Variants in TTLL11 observed in about 807,000 individuals in gnomAD.
The protein encoded by TTLL11 is tubulin polyglutamylase TTLL11.
A neutral mutation model predicts 51.7 loss-of-function variants in TTLL11; 42 were observed. The ratio of observed to expected loss-of-function variants is 0.81; its 90% CI spans 0.64 to 1.05. The LOEUF (loss-of-function observed/expected upper bound fraction) is 1.05. TTLL11 is among the 50% of genes least tolerant of loss of function. The pLI, the probability that TTLL11 is intolerant of heterozygous loss-of-function variation, is 0.00. For synonymous variants in TTLL11, 381 were observed against 383.5 expected (o/e 0.99, Z 0.08); for missense variants, 799 against 940.4 (o/e 0.85, Z 1.97).
At chr9:122,039,904 A>G (rs1224902511) in intron 1 of TTLL11, among the ~76,000 whole-genome samples, 1 of 151,892 alleles carries the variant, frequency 6.6e-6, no homozygotes, top group Non-Finnish European at 1.5e-5. Context: ...ACACACACAC[A>G]TACACACACA....
chr9:121,915,367 C>A (rs1840285369), intron 6 of TTLL11, among the ~76,000 whole-genome samples: 1 of 152,198 alleles, frequency 6.6e-6, no homozygotes, highest in Non-Finnish European at 1.5e-5. Flanking sequence ...TAGTGCTGTG[C>A]TTGTATACAG....
At chr9:122,091,958 A>G (rs1346128476) in intron 1 of TTLL11, among the ~76,000 whole-genome samples, 1 of 152,218 alleles carries the variant, frequency 6.6e-6, no homozygotes. Flanking sequence ...AGCCTGGAAT[A>G]TAAAATACAG....
chr9:121,836,324 G>A (rs111552932), intron 8 of TTLL11, among the ~76,000 whole-genome samples: 1 of 152,080 alleles, frequency 6.6e-6, no homozygotes, highest in Non-Finnish European at 1.5e-5. Flanking sequence ...TGGTCCTGTC[G>A]CTGTGGCTTT....
At chr9:121,940,786 G>C (rs577490042) in intron 6 of TTLL11, among the ~76,000 whole-genome samples, 1 of 152,268 alleles carries the variant, frequency 6.6e-6, no homozygotes, top group South Asian at 2.1e-4. Flanking sequence ...TAGGACATTT[G>C]CTGATCTCCT....
intron 6 of TTLL11, among the ~76,000 whole-genome samples, chr9:121,880,909 C>T (rs900832959): frequency 2.6e-5 from 4 of 152,210 alleles, no homozygotes. Context: ...GGTCTGTCTC[C>T]ACAGCCCACG....
intron 1 of TTLL11, among the ~76,000 whole-genome samples, chr9:122,088,335 T>C (rs755293868): frequency 4.6e-5 from 7 of 152,232 alleles, no homozygotes; most frequent in Non-Finnish European, 7.3e-5. Context: ...TTTGTTTGCA[T>C]GTATTCCTCC....
intron 6 of TTLL11, among the ~76,000 whole-genome samples, chr9:121,970,794 T>C (rs2131645366): frequency 6.6e-6 from 1 of 152,346 alleles, no homozygotes; most frequent in Non-Finnish European, 1.5e-5. Context: ...AGTGTGGCGA[T>C]TCCTCAAGGA....
chr9:121,917,189 T>C (rs1840355096), intron 6 of TTLL11, among the ~76,000 whole-genome samples: 1 of 152,120 alleles, frequency 6.6e-6, no homozygotes. Context: ...AGAGGGTGGC[T>C]GCACATGGTG....
chr9:121,915,986 C>T (rs1564303109), intron 6 of TTLL11, among the ~76,000 whole-genome samples: 1 of 79,232 alleles, frequency 1.3e-5, no homozygotes, highest in African/African-American at 4.1e-5. Context: ...CAAAGACACA[C>T]ACATACACAC....
At position 122,043,844 on chromosome 9, in the gene TTLL11, T is replaced by A. The variant is rs552486837; in HGVS notation, c.463-4476A>T. On this transcript the variant is annotated intron_variant, in intron 1 of 8. Transcript: ENST00000321582. ...ATCAATAGTCAGAATATATATATAT[T>A]TTTTTCTTTTCTTTTTTTATTTTAT... 1.5e-3 allele frequency among the ~76,000 whole-genome samples: 232 copies of A among 152,098 alleles called. 1 individual carries two copies. Among genetic ancestry groups the A allele is most frequent in the African/African-American group, 4.8e-3 (201 of 41,498 alleles).
chr9:121,877,505 C>A (rs961178090), intron 6 of TTLL11, among the ~76,000 whole-genome samples: 1 of 152,086 alleles, frequency 6.6e-6, no homozygotes, highest in Non-Finnish European at 1.5e-5. Flanking sequence ...AGACCTAGAC[C>A]CACGTTGAGC....
At chr9:121,938,582 A>C (rs764577216) in intron 6 of TTLL11, among the ~76,000 whole-genome samples, 1 of 152,208 alleles carries the variant, frequency 6.6e-6, no homozygotes, top group Non-Finnish European at 1.5e-5. Context: ...TTCTACAAAT[A>C]AGAAATTTCT....
At chr9:122,064,871 T>C (rs1316976617) in intron 1 of TTLL11, among the ~76,000 whole-genome samples, 1 of 152,188 alleles carries the variant, frequency 6.6e-6, no homozygotes, top group Non-Finnish European at 1.5e-5. Context: ...CACTCAGTTA[T>C]GTGTCCAAGA....
intron 1 of TTLL11, among the ~76,000 whole-genome samples, chr9:122,053,596 G>C (rs909366644): frequency 6.6e-6 from 1 of 152,138 alleles, no homozygotes; most frequent in Non-Finnish European, 1.5e-5. Context: ...GAGACTGAGA[G>C]CAGCCAGGAC....
intron 8 of TTLL11, among the ~76,000 whole-genome samples, chr9:121,843,715 C>G (rs955918918): frequency 6.6e-6 from 1 of 152,128 alleles, no homozygotes; most frequent in South Asian, 2.1e-4. Flanking sequence ...CCCTGTCACC[C>G]AGGTTGGAGT....
chr9:121,948,944 T>C (rs1173472670), intron 6 of TTLL11, among the ~76,000 whole-genome samples: 8 of 152,110 alleles, frequency 5.3e-5, no homozygotes, highest in Non-Finnish European at 1.0e-4. Flanking sequence ...TCCCTAGTCA[T>C]AGGGCTCAGC....
At chr9:122,086,601 C>A (rs28618121) in intron 1 of TTLL11, among the ~76,000 whole-genome samples, 6,224 of 152,286 alleles carry the variant, frequency 0.041, 151 homozygotes, top group African/African-American at 0.065. Context: ...AGGAGGAAGG[C>A]AACCCAGCTA....
chr9:122,051,374 A>T (rs13302386), intron 1 of TTLL11, among the ~76,000 whole-genome samples: 1 of 152,254 alleles, frequency 6.6e-6, no homozygotes, highest in Non-Finnish European at 1.5e-5. Context: ...CAAAGAAGAT[A>T]TCATAAATTT....
At chr9:122,056,666 AG>A (rs745343771) in intron 1 of TTLL11, among the ~76,000 whole-genome samples, 1 of 152,144 alleles carries the variant, frequency 6.6e-6, no homozygotes, top group Non-Finnish European at 1.5e-5. Flanking sequence ...GAGAAGAGTC[AG>A]GGGAGGGACC....
Sources: gnomAD v4.1 joint callset for allele counts (sites outside exome capture counted in the v4.1 genomes callset) on GRCh38, gnomAD v4.1.1 for gene constraint, MANE v1.5 for transcripts, NCBI Gene and HGNC (gene_info 2026-07-23, HGNC 2026-07-21) for gene names.